Variants in TUBB8B observed in about 807,000 individuals in gnomAD.
TUBB8B encodes HSA18p11 beta-tubulin 4Q pseudogene.
TUBB8B carries 26 observed loss-of-function variants against 31.9 expected under a neutral mutation model. The observed-to-expected ratio is 0.81, with a 90% confidence interval of 0.60 to 1.13. The LOEUF is 1.13. Among genes scored for constraint, TUBB8B ranks in the 50% most tolerant of loss-of-function variants. The pLI, the probability that TUBB8B is intolerant of heterozygous loss-of-function variation, is 0.00. For synonymous variants in TUBB8B, 173 were observed against 231.0 expected (o/e 0.75, Z 2.28); for missense variants, 467 against 586.7 (o/e 0.80, Z 2.11).
At chr18:61,346 G>A in the TUBB8B span, among the ~76,000 whole-genome samples, 1 of 151,420 alleles carries the variant, frequency 6.6e-6, no homozygotes, top group Non-Finnish European at 1.5e-5. Flanking sequence ...TATCTTTACA[G>A]GTAGAGTATT....
At chr18:51,703 T>C (rs1906114463), upstream of TUBB8B, among the ~76,000 whole-genome samples, 1 of 151,772 alleles carries the variant, frequency 6.6e-6, no homozygotes, top group Admixed American at 6.6e-5. Flanking sequence ...ACTCCCAAAG[T>C]GCTGGGATTA....
At chr18:66,729 T>C in the TUBB8B span, among the ~76,000 whole-genome samples, 1 of 152,084 alleles carries the variant, frequency 6.6e-6, no homozygotes, top group African/African-American at 2.4e-5. Context: ...TGTTGTTGTT[T>C]TGACACTATT....
chr18:49,425 C>T lies in TUBB8B; in HGVS notation c.57+76G>A, dbSNP rs1198489794. On this transcript the variant is annotated intron_variant, in intron 1 of 3. Coordinates refer to ENST00000308911, the MANE Select transcript of TUBB8B (RefSeq NM_001358689.2). ...CCCAGGGGCCGCAATGCAGGGGCAC[C>T]GCTCCCGCCACTGCCAACATCTTCC... The T allele has an allele frequency of 2.2e-5, 20 of 900,862 alleles. No homozygotes were observed. The African/African-American group carries it at 2.5e-4, about 11-fold the overall frequency. The allele number at this position is 900,862 out of a possible 1,614,324, so 55.8% of individuals were successfully genotyped here.
chr18:64,945 A>G, the TUBB8B span, among the ~76,000 whole-genome samples: 36 of 152,236 alleles, frequency 2.4e-4, 1 homozygote, highest in East Asian at 6.2e-3. Context: ...AAACCACACT[A>G]GTACTTCACA....
rs1482907300 is a variant in TUBB8B at position 47,467 on chromosome 18, A to T, written c.1258T>A (p.Ser420Thr). The T allele has an allele frequency of 2.0e-6, 3 of 1,478,746 alleles. No homozygotes were observed. The allele number at this position is 1,478,746 out of a possible 1,614,324, so 91.6% of individuals were successfully genotyped here. ...GCATCCTGATATTGCTGATATTCAG[A>T]CACCAGGTCGTTCATGTTGCTCTCG... ...EAESNMNDLV[S>T]EYQQYQDATA... Residue 420 changes from serine to threonine, a missense_variant, in exon 4 of 4, where the codon TCT (serine) becomes ACT (threonine). Physicochemically the swap from Ser to Thr is moderately conservative, Grantham distance 58. Transcript: ENST00000308911.
At chr18:51,555 T>C (rs1600580347), upstream of TUBB8B, among the ~76,000 whole-genome samples, 1 of 152,142 alleles carries the variant, frequency 6.6e-6, no homozygotes, top group South Asian at 2.1e-4. Context: ...TTCTCCTGTC[T>C]CAGCCTCCCG....
In TUBB8B at chr18:47,949, G is replaced by A. The variant is rs774190063; in HGVS notation, c.776C>T (p.Pro259Leu). The part of the protein sequence containing the change: ...DLRKLAVNMV[P>L]FPRLHFFMPG... ...CATGAAGAAATGCAGCCGGGGAAAC[G>A]GGACCATGTTCACGGCCAGCTTCCG... The change falls in exon 4 of 4, where the codon CCG becomes CTG. Residue 259 changes from proline to leucine, a missense_variant. Around this residue, in one of 2 missense-constraint regions of TUBB8B, gnomAD observed 259 missense variants for 380.1 expected, o/e 0.68. Coordinates refer to ENST00000308911, the MANE Select transcript of TUBB8B (RefSeq NM_001358689.2). 1.3e-4 allele frequency: 205 copies of A among 1,611,432 alleles called. No individual in the cohort carries two copies. The highest frequency in any genetic ancestry group is 1.6e-4 in the Non-Finnish European group (194 of 1,179,828).
the TUBB8B span, among the ~76,000 whole-genome samples, chr18:58,082 T>TG: frequency 2.6e-4 from 40 of 151,710 alleles, no homozygotes; most frequent in African/African-American, 8.2e-4. Flanking sequence ...GGGTCTGTGA[T>TG]GGGGGGCTGC....
the TUBB8B span, among the ~76,000 whole-genome samples, chr18:63,516 T>G: frequency 2.1e-4 from 32 of 151,792 alleles, no homozygotes; most frequent in African/African-American, 7.7e-4. Flanking sequence ...CCATCACCAC[T>G]GAGACTGCGC....
chr18:49,947 AT>A, upstream of TUBB8B: 1 of 453,874 alleles, frequency 2.2e-6, no homozygotes, highest in African/African-American at 2.0e-5. Context: ...CTAGATTGAT[AT>A]TTTTGTAATG....
the TUBB8B span, among the ~76,000 whole-genome samples, chr18:57,108 C>G: frequency 6.6e-6 from 1 of 151,772 alleles, no homozygotes; most frequent in Non-Finnish European, 1.5e-5. Flanking sequence ...GGTGGGAACA[C>G]ACACCTAAAC....
chr18:52,228 G>A (rs1465772817), upstream of TUBB8B, among the ~76,000 whole-genome samples: 1 of 151,934 alleles, frequency 6.6e-6, no homozygotes, highest in East Asian at 1.9e-4. Flanking sequence ...GATTGCTGAG[G>A]AAAGTAAAAG....
chr18:62,853 T>G, the TUBB8B span, among the ~76,000 whole-genome samples: 1 of 151,814 alleles, frequency 6.6e-6, no homozygotes, highest in African/African-American at 2.4e-5. Context: ...CTCCTCTGAC[T>G]TTTTCTTTTC....
chr18:49,079 G>A (rs1323691414), intron 2 of TUBB8B, 29 bp from the exon 3 acceptor site: 12 of 1,558,392 alleles, frequency 7.7e-6, no homozygotes, highest in African/African-American at 2.7e-5. Flanking sequence ...CATGAGCGAG[G>A]GGAGGGCCGC....
upstream of TUBB8B, chr18:49,745 T>C (rs182218481): frequency 7.9e-5 from 54 of 683,050 alleles, no homozygotes; most frequent in East Asian, 9.4e-4. Flanking sequence ...CCCTTGGCGT[T>C]GAACGTCTGT....
chr18:61,303 A>G, the TUBB8B span, among the ~76,000 whole-genome samples: 385 of 151,744 alleles, frequency 2.5e-3, 4 homozygotes, highest in African/African-American at 9.0e-3. Context: ...GCATGGAATA[A>G]CTTTTTCCAT....
Position 48,983 on chromosome 18 carries a change from C to A in TUBB8B, c.234G>T (p.Ser78=). 1 of 1,609,384 alleles carries A rather than the reference C, an allele frequency of 6.2e-7. No individual in the cohort carries two copies. Among genetic ancestry groups the A allele is most frequent in the East Asian group, 2.2e-5 (1 of 44,772 alleles). The part of the protein sequence containing the change: ...LEPGTMDSVH[S]GPFGQVFRPD... Reference sequence around the variant, plus strand: ...GCCTGAAGACCTGCCCGAAGGGCCCCGAGTGCACAGAGTCCATGGTGCCCG... The same window carrying A: ...GCCTGAAGACCTGCCCGAAGGGCCCAGAGTGCACAGAGTCCATGGTGCCCG... Residue 78 remains serine, a synonymous_variant, in exon 3 of 4, where the codon TCG becomes TCT. Coordinates refer to ENST00000308911, the MANE Select transcript of TUBB8B (RefSeq NM_001358689.2).
At chr18:61,459 G>A in the TUBB8B span, among the ~76,000 whole-genome samples, 7 of 151,244 alleles carry the variant, frequency 4.6e-5, no homozygotes, top group African/African-American at 1.7e-4. Context: ...TGTTATTATT[G>A]ATAAGCACTT....
chr18:47,622 A>G lies in TUBB8B; in HGVS notation c.1103T>C (p.Ile368Thr), dbSNP rs764020920. ...PRGLKMSATF[I>T]GNNAAIQELF... ...TTCCTGGATGGCCGCATTATTCCCA[A>G]TGAAGGTGGCTGACATTTTTAGCCC... Residue 368 changes from isoleucine (I) to threonine (T), a missense_variant, in exon 4 of 4, where the codon ATT becomes ACT. Physicochemically the swap from Ile to Thr is moderately conservative, Grantham distance 89. Transcript: ENST00000308911. 23 of 1,612,526 alleles carry G rather than the reference A, an allele frequency of 1.4e-5. No homozygotes were observed. Among genetic ancestry groups the G allele is most frequent in the Admixed American group, 5.0e-5 (3 of 59,998 alleles).
Sources: allele counts gnomAD v4.1 joint callset (sites outside exome capture counted in the v4.1 genomes callset), GRCh38; gene constraint gnomAD v4.1.1; regional missense constraint gnomAD v4.1.1; transcripts MANE v1.5; gene names NCBI Gene and HGNC (gene_info 2026-07-23, HGNC 2026-07-21).